Variants in MECOM observed in about 807,000 individuals in gnomAD.
The protein encoded by MECOM is histone-lysine N-methyltransferase MECOM.
A neutral mutation model predicts 116.3 loss-of-function variants in MECOM; 13 were observed. The observed-to-expected ratio is 0.11, with a 90% CI of 0.07 to 0.18. The LOEUF (loss-of-function observed/expected upper bound fraction) is 0.18. Among genes scored for constraint, MECOM ranks in the 10% least tolerant of loss-of-function variants. The pLI is 1.00. For missense variants in MECOM, 1,299 were observed against 1,509.0 expected (o/e 0.86, Z 2.31); for synonymous variants, 528 against 535.2 (o/e 0.99, Z 0.19).
At chr3:169,221,554 C>T (rs907547337) in intron 2 of MECOM, among the ~76,000 whole-genome samples, 12 of 140,744 alleles carry the variant, frequency 8.5e-5, no homozygotes, top group South Asian at 4.4e-4. Context: ...CTTTTGGAGA[C>T]GTAAAGAGAT....
intron 1 of MECOM, among the ~76,000 whole-genome samples, chr3:169,509,390 G>C (rs1353480809): frequency 1.3e-5 from 2 of 152,152 alleles, no homozygotes; most frequent in Non-Finnish European, 2.9e-5. Flanking sequence ...TAAGTGTATA[G>C]TTCAGTGACA....
chr3:169,189,435 A>G (rs574217195), intron 2 of MECOM, among the ~76,000 whole-genome samples: 2 of 151,994 alleles, frequency 1.3e-5, no homozygotes, highest in Non-Finnish European at 2.9e-5. Flanking sequence ...GCTCTGCTGT[A>G]GCTTTGAACC....
intron 2 of MECOM, among the ~76,000 whole-genome samples, chr3:169,286,359 G>A (rs1301010895): frequency 6.6e-6 from 1 of 152,156 alleles, no homozygotes; most frequent in Non-Finnish European, 1.5e-5. Context: ...ACCAAGCCCT[G>A]TTGTCTCTAT....
chr3:169,365,947 T>G (rs1470085259), intron 2 of MECOM, among the ~76,000 whole-genome samples: 1 of 152,036 alleles, frequency 6.6e-6, no homozygotes, highest in East Asian at 1.9e-4. Flanking sequence ...TCTTTAGATA[T>G]CATGACCTAG....
chr3:169,641,407 A>G (rs1433500428), intron 1 of MECOM, among the ~76,000 whole-genome samples: 1 of 152,146 alleles, frequency 6.6e-6, no homozygotes, highest in Non-Finnish European at 1.5e-5. Flanking sequence ...CTCCTTACTG[A>G]TAAGCCTGCA....
intron 2 of MECOM, among the ~76,000 whole-genome samples, chr3:169,174,266 C>T (rs1163042989): frequency 6.6e-6 from 1 of 152,090 alleles, no homozygotes; most frequent in Non-Finnish European, 1.5e-5. Flanking sequence ...TCTTAGGGAC[C>T]TTTGTCTCTG....
intron 2 of MECOM, among the ~76,000 whole-genome samples, chr3:169,338,671 G>C (rs531112015): frequency 1.3e-5 from 2 of 151,788 alleles, no homozygotes; most frequent in South Asian, 4.2e-4. Context: ...AGAGTAAAGG[G>C]AGAGAGGGTG....
intron 2 of MECOM, among the ~76,000 whole-genome samples, chr3:169,197,258 C>T (rs988833977): frequency 2.0e-5 from 3 of 151,630 alleles, no homozygotes; most frequent in Non-Finnish European, 2.9e-5. Context: ...CACCAAACCC[C>T]CATGACACAC....
At chr3:169,462,574 T>A (rs1268854477) in intron 1 of MECOM, among the ~76,000 whole-genome samples, 1 of 152,184 alleles carries the variant, frequency 6.6e-6, no homozygotes, top group East Asian at 1.9e-4. Context: ...ATCAGTTAAT[T>A]TTCTATTTAG....
At chr3:169,578,397 G>T (rs1386464937) in intron 1 of MECOM, among the ~76,000 whole-genome samples, 2 of 151,994 alleles carry the variant, frequency 1.3e-5, no homozygotes, top group East Asian at 3.9e-4. Context: ...TTTCCTGAAG[G>T]ATATTGCCTA....
Position 169,594,178 on chromosome 3 carries a change from A to ACCTT in MECOM, c.37+69154_37+69157dup, listed in dbSNP as rs61302082. Among the ~76,000 whole-genome samples the ACCTT allele has an allele frequency of 3.0e-4, 42 of 138,636 alleles. 2 individuals are homozygous for ACCTT. The highest frequency in any genetic ancestry group is 8.7e-4 in the African/African-American group (31 of 35,612). 91.0% of individuals were successfully genotyped at this position (138,636 alleles called of 152,430 possible). On this transcript the variant is annotated intron_variant, in intron 1 of 16. Transcript: ENST00000651503. ...ACAAAAAAAAAAAAAAAAAAAAAAC[A>ACCTT]CCTTTTCACCTAAGTACCTCAAGGC...
At position 169,092,958 on chromosome 3, in the gene MECOM, C is replaced by T. The variant is rs1449061244; in HGVS notation, c.3164G>A (p.Arg1055Lys). The change falls in exon 14 of 17, where the codon AGA (arginine) becomes AAA (lysine). Residue 1055 changes from arginine (R) to lysine (K), a missense_variant and splice_region_variant. Around this residue, in one of 6 missense-constraint regions of MECOM, gnomAD observed 273 missense variants for 289.3 expected, o/e 0.94. Transcript: ENST00000651503. ...TTTAAAAAGTAAAAGACAGCTTTAC[C>T]TCTCCTCCACATTCCTGGGAGATTG... ...GSQSPRNVEE[R>K]MNGSHFKDEK... 3.7e-6 allele frequency: 6 copies of T among 1,613,538 alleles called. No homozygotes were observed. In the Admixed American group the frequency reaches 1.0e-4, roughly 27 times the overall value.
At chr3:169,316,946 T>C (rs1425337415) in intron 2 of MECOM, among the ~76,000 whole-genome samples, 1 of 152,242 alleles carries the variant, frequency 6.6e-6, no homozygotes, top group Non-Finnish European at 1.5e-5. Context: ...TCTGTCTATC[T>C]TAGAATTCTC....
At chr3:169,326,316 T>C (rs190185971) in intron 2 of MECOM, among the ~76,000 whole-genome samples, 1 of 152,322 alleles carries the variant, frequency 6.6e-6, no homozygotes, top group Non-Finnish European at 1.5e-5. Context: ...CCTGAACCCT[T>C]ACAGTATGTT....
Position 169,121,221 on chromosome 3 carries a change from T to C in MECOM, c.979-12A>G. On this transcript the variant is annotated splice_polypyrimidine_tract_variant and intron_variant, in intron 6 of 16. Coordinates refer to ENST00000651503, the MANE Select transcript of MECOM (RefSeq NM_004991.4). The stretch of plus-strand genomic sequence containing the variant: ...GGGTCCGTGAAAACCTGCTAGGAAA[T>C]GAGTACTGATTAATCAAGAAACTTA... 3.1e-6 allele frequency: 5 copies of C among 1,602,634 alleles called. No individual in the cohort carries two copies. The highest frequency in any genetic ancestry group is 2.2e-5 in the East Asian group (1 of 44,518).
intron 1 of MECOM, among the ~76,000 whole-genome samples, chr3:169,620,530 G>A (rs1435836857): frequency 6.6e-6 from 1 of 152,160 alleles, no homozygotes; most frequent in East Asian, 1.9e-4. Context: ...AACAAATTGT[G>A]ACACCTTTAA....
chr3:169,586,852 G>A (rs2109594554), intron 1 of MECOM, among the ~76,000 whole-genome samples: 2 of 152,350 alleles, frequency 1.3e-5, no homozygotes, highest in South Asian at 4.1e-4. Flanking sequence ...CTGCGCAGCA[G>A]CTTTTAGAAA....
chr3:169,146,138 T>C lies in MECOM; in HGVS notation c.376-2306A>G, dbSNP rs142998294. 4,953 of 742,750 alleles carry C rather than the reference T, an allele frequency of 6.7e-3. 38 individuals carry two copies. Among genetic ancestry groups the C allele is most frequent in the South Asian group, 0.021 (440 of 21,174 alleles). The allele number at this position is 742,750 out of a possible 1,614,324, so 46.0% of individuals were successfully genotyped here. On this transcript the variant is annotated intron_variant, in intron 2 of 16. Coordinates refer to ENST00000651503, the MANE Select transcript of MECOM (RefSeq NM_004991.4). Reference sequence around the variant, plus strand: ...TTTAAAAGCTGTCAACCTCCAAAGATAGCTTAAAAAAAAACCGTTTAGGTA... The same window carrying C: ...TTTAAAAGCTGTCAACCTCCAAAGACAGCTTAAAAAAAAACCGTTTAGGTA...
At chr3:169,118,635 T>G (rs902464625) in intron 7 of MECOM, among the ~76,000 whole-genome samples, 5 of 152,192 alleles carry the variant, frequency 3.3e-5, no homozygotes, top group African/African-American at 1.2e-4. Flanking sequence ...TTGATGAGTA[T>G]TCAACCAAGA....
Sources: gnomAD v4.1 joint callset for allele counts (sites outside exome capture counted in the v4.1 genomes callset) on GRCh38, gnomAD v4.1.1 for gene constraint, gnomAD v4.1.1 regional missense constraint, MANE v1.5 for transcripts, NCBI Gene and HGNC (gene_info 2026-07-23, HGNC 2026-07-21) for gene names.